Variants in TRPC4 observed in about 807,000 individuals in gnomAD.
The protein encoded by TRPC4 is transient receptor potential cation channel subfamily C member 4, also known as short transient receptor potential channel 4.
A neutral mutation model predicts 99.4 loss-of-function variants in TRPC4; 49 were observed. That is an observed-to-expected ratio of 0.49 (90% CI 0.39 to 0.63). The LOEUF (loss-of-function observed/expected upper bound fraction) is 0.63, where lower values mean the gene tolerates loss of function less well. Ranked by LOEUF, TRPC4 falls within the 20% of genes least tolerant of loss-of-function variation. The pLI, the probability that TRPC4 is intolerant of heterozygous loss-of-function variation, is 0.00. For synonymous variants in TRPC4, 454 were observed against 425.9 expected (o/e 1.07, Z -0.81); for missense variants, 898 against 1,152.9 (o/e 0.78, Z 3.20).
chr13:37,658,160 C>T (rs1472668604), intron 6 of TRPC4, among the ~76,000 whole-genome samples: 3 of 152,068 alleles, frequency 2.0e-5, no homozygotes, highest in Non-Finnish European at 4.4e-5. Flanking sequence ...AATGCCTTTA[C>T]GTGACTAATA....
In TRPC4 at chr13:37,745,463, T is replaced by TGC. The variant is rs1566138346; in HGVS notation, c.897+473_897+474insGC. The stretch of plus-strand genomic sequence containing the variant: ...ATATATATATATATATATATATATA[T>TGC]ATATATATATACACACACACACACA... On this transcript the variant is annotated intron_variant, in intron 3 of 10. Transcript: ENST00000379705. 1.4e-3 allele frequency among the ~76,000 whole-genome samples: 64 copies of TGC among 46,132 alleles called. 1 individual carries two copies. Among genetic ancestry groups the TGC allele is most frequent in the Middle Eastern group, 9.6e-3 (1 of 104 alleles). The allele number at this position is 46,132 out of a possible 152,430, so 30.3% of individuals were successfully genotyped here.
At chr13:37,710,448 T>G (rs1688055110) in intron 3 of TRPC4, among the ~76,000 whole-genome samples, 1 of 151,892 alleles carries the variant, frequency 6.6e-6, no homozygotes, top group African/African-American at 2.4e-5. Context: ...TTTTTCAGAT[T>G]TTAAGAGGGT....
chr13:37,790,515 A>G (rs1957090580), intron 1 of TRPC4, among the ~76,000 whole-genome samples: 1 of 152,208 alleles, frequency 6.6e-6, no homozygotes, highest in Non-Finnish European at 1.5e-5. Flanking sequence ...CACTATTTAC[A>G]TCAATAAATT....
intron 3 of TRPC4, among the ~76,000 whole-genome samples, chr13:37,736,296 C>A (rs1228122676): frequency 1.3e-5 from 2 of 152,052 alleles, no homozygotes; most frequent in African/African-American, 2.4e-5. Flanking sequence ...GTGTGCACAA[C>A]CATGGAGAAA....
At chr13:37,794,447 T>C in intron 1 of TRPC4, among the ~76,000 whole-genome samples, 1 of 152,104 alleles carries the variant, frequency 6.6e-6, no homozygotes, top group East Asian at 1.9e-4. Flanking sequence ...CTTTTAATAG[T>C]ATAATACTTA....
intron 1 of TRPC4, among the ~76,000 whole-genome samples, chr13:37,852,026 G>A (rs1224480273): frequency 6.6e-6 from 1 of 152,158 alleles, no homozygotes; most frequent in Non-Finnish European, 1.5e-5. Context: ...GGGCCAAAGT[G>A]CTCTGGGGTC....
chr13:37,766,655 T>TA (rs1956378937), intron 2 of TRPC4, among the ~76,000 whole-genome samples: 1 of 151,382 alleles, frequency 6.6e-6, no homozygotes, highest in African/African-American at 2.4e-5. Flanking sequence ...GCCTGGCTAT[T>TA]ATGATTGGCT....
At chr13:37,829,084 T>C (rs1316581429) in intron 1 of TRPC4, among the ~76,000 whole-genome samples, 7 of 152,150 alleles carry the variant, frequency 4.6e-5, no homozygotes, top group Non-Finnish European at 1.0e-4. Flanking sequence ...TGACAATAAA[T>C]CACAAGCAAC....
chr13:37,707,281 C>A (rs1171501969), intron 3 of TRPC4, among the ~76,000 whole-genome samples: 1 of 152,038 alleles, frequency 6.6e-6, no homozygotes, highest in East Asian at 1.9e-4. Flanking sequence ...TGAACATATA[C>A]CATAGAACAT....
At position 37,663,440 on chromosome 13, in the gene TRPC4, T is replaced by A. The variant is rs147982041; in HGVS notation, c.1664A>T (p.Glu555Val). ...KGLTCKGIRCEKQNNAFSTLF... is the reference protein window; with the variant it reads ...KGLTCKGIRCVKQNNAFSTLF... Reference sequence around the variant, plus strand: ...CGTTGAAAATGCATTATTCTGCTTTTCACATCTTATGCCTTTGCAGGTTAA... The same window carrying A: ...CGTTGAAAATGCATTATTCTGCTTTACACATCTTATGCCTTTGCAGGTTAA... The change falls in exon 6 of 11, where the codon GAA becomes GTA. Residue 555 changes from glutamate to valine, a missense_variant. Around this residue, in one of 3 missense-constraint regions of TRPC4, gnomAD observed 274 missense variants for 454.9 expected, o/e 0.60. Transcript: ENST00000379705. 68 of 1,613,482 alleles carry A rather than the reference T, an allele frequency of 4.2e-5. No homozygotes were observed. Among genetic ancestry groups the A allele is most frequent in the Non-Finnish European group, 5.1e-5 (60 of 1,179,774 alleles).
At chr13:37,764,925 CTT>C (rs957677555) in intron 2 of TRPC4, among the ~76,000 whole-genome samples, 1 of 149,592 alleles carries the variant, frequency 6.7e-6, no homozygotes, top group African/African-American at 2.5e-5. Context: ...GATTTTTACA[CTT>C]ATATTTTTGA....
intron 1 of TRPC4, among the ~76,000 whole-genome samples, chr13:37,804,017 A>G (rs1957469527): frequency 6.6e-6 from 1 of 152,144 alleles, no homozygotes; most frequent in African/African-American, 2.4e-5. Flanking sequence ...CTGGAGGATG[A>G]CAGCCTAGAA....
Position 37,807,143 on chromosome 13 carries a change from A to T in TRPC4, c.-27-23783T>A, listed in dbSNP as rs376756950. Among the ~76,000 whole-genome samples, 14 of 152,168 alleles carry T rather than the reference A, an allele frequency of 9.2e-5. No homozygotes were observed. In the East Asian group the frequency reaches 2.7e-3, roughly 29 times the overall value. ...TCTCTATATTTGATAAGGACTTCAAATTGAGCCAGATGCACACATTTCTTT... is the reference window on the plus strand; with the variant it reads ...TCTCTATATTTGATAAGGACTTCAATTTGAGCCAGATGCACACATTTCTTT... On this transcript the variant is annotated intron_variant, in intron 1 of 10. Coordinates refer to ENST00000379705, the MANE Select transcript of TRPC4 (RefSeq NM_016179.4).
intron 1 of TRPC4, among the ~76,000 whole-genome samples, chr13:37,843,820 A>G (rs1958809252): frequency 6.6e-6 from 1 of 152,158 alleles, no homozygotes; most frequent in Admixed American, 6.5e-5. Flanking sequence ...AACTATCCGC[A>G]GGCAAGAAGA....
At chr13:37,802,082 G>C (rs1163118664) in intron 1 of TRPC4, among the ~76,000 whole-genome samples, 1 of 152,038 alleles carries the variant, frequency 6.6e-6, no homozygotes, top group Non-Finnish European at 1.5e-5. Context: ...TAGAAACTGG[G>C]TTTAAAATAC....
chr13:37,673,996 T>A (rs1351131121), intron 5 of TRPC4, among the ~76,000 whole-genome samples: 1 of 152,126 alleles, frequency 6.6e-6, no homozygotes, highest in Non-Finnish European at 1.5e-5. Flanking sequence ...ACTTAGTAGA[T>A]GCAAGGGAAT....
At chr13:37,751,730 T>A (rs548491442) in intron 2 of TRPC4, among the ~76,000 whole-genome samples, 14 of 152,136 alleles carry the variant, frequency 9.2e-5, no homozygotes, top group Admixed American at 2.6e-4. Flanking sequence ...TGGCACTGCA[T>A]TAGATGTAGA....
At chr13:37,765,116 C>T (rs1000517736) in intron 2 of TRPC4, among the ~76,000 whole-genome samples, 2 of 151,302 alleles carry the variant, frequency 1.3e-5, no homozygotes, top group East Asian at 3.9e-4. Context: ...CTATCATATT[C>T]ATTTCAAATA....
chr13:37,834,378 C>A (rs1271453376), intron 1 of TRPC4, among the ~76,000 whole-genome samples: 1 of 152,128 alleles, frequency 6.6e-6, no homozygotes, highest in African/African-American at 2.4e-5. Context: ...AAGGAAAGTT[C>A]CTACTTAATA....
Sources: gnomAD v4.1 joint callset for allele counts (sites outside exome capture counted in the v4.1 genomes callset) on GRCh38, gnomAD v4.1.1 for gene constraint, gnomAD v4.1.1 regional missense constraint, MANE v1.5 for transcripts, NCBI Gene and HGNC (gene_info 2026-07-23, HGNC 2026-07-21) for gene names.